Variants in ASCC3 observed in about 807,000 individuals in gnomAD.
ASCC3 encodes the protein ASC-1 complex subunit P200.
ASCC3 carries 158 observed loss-of-function variants against 256.3 expected under a neutral mutation model. That is an observed-to-expected ratio of 0.62 (90% CI 0.54 to 0.70). ASCC3 has a LOEUF of 0.70. Among genes scored for constraint, ASCC3 ranks in the 30% least tolerant of loss-of-function variants. The pLI, the probability that ASCC3 is intolerant of heterozygous loss-of-function variation, is 0.00. For synonymous variants in ASCC3, 948 were observed against 883.4 expected (o/e 1.07, Z -1.30); for missense variants, 2,259 against 2,626.0 (o/e 0.86, Z 3.05).
intron 4 of ASCC3, 95 bp downstream of exon 4, chr6:100,848,053 A>G: frequency 1.6e-6 from 2 of 1,256,326 alleles, no homozygotes; most frequent in Non-Finnish European, 2.2e-6. Context: ...ACAGAACATT[A>G]AAGAACTTTC....
intron 36 of ASCC3, among the ~76,000 whole-genome samples, chr6:100,553,814 A>C (rs1318298402): frequency 2.0e-5 from 3 of 152,162 alleles, no homozygotes; most frequent in Non-Finnish European, 4.4e-5. Context: ...CTGTTCTACA[A>C]ATGCCATAAA....
chr6:100,595,646 C>T (rs566515516), intron 34 of ASCC3, among the ~76,000 whole-genome samples: 2 of 152,218 alleles, frequency 1.3e-5, no homozygotes, highest in African/African-American at 4.8e-5. Context: ...GAATGTGGAC[C>T]TGACAATGAG....
chr6:100,844,344 T>C (rs1323736241), intron 4 of ASCC3, among the ~76,000 whole-genome samples: 2 of 151,568 alleles, frequency 1.3e-5, no homozygotes, highest in Non-Finnish European at 2.9e-5. Flanking sequence ...GAAGAAAGCC[T>C]GGTTCGGGTC....
chr6:100,728,483 T>C (rs990828576), intron 10 of ASCC3, among the ~76,000 whole-genome samples: 1 of 152,010 alleles, frequency 6.6e-6, no homozygotes, highest in African/African-American at 2.4e-5. Context: ...AGCAATTCCA[T>C]TTCCTAATAT....
chr6:100,631,321 A>C (rs1286479375), intron 25 of ASCC3, 108 bp from the exon 26 acceptor site: 1 of 810,936 alleles, frequency 1.2e-6, no homozygotes, highest in Non-Finnish European at 2.1e-6. Flanking sequence ...GTGGTTTGAA[A>C]ATGTATCTTT....
intron 39 of ASCC3, among the ~76,000 whole-genome samples, chr6:100,514,791 C>T (rs1773938691): frequency 1.3e-5 from 2 of 152,138 alleles, no homozygotes; most frequent in Admixed American, 1.3e-4. Context: ...AGTCAGCAGC[C>T]GTTCCAGGCA....
At chr6:100,853,187 AT>A (rs1391955365) in intron 3 of ASCC3, among the ~76,000 whole-genome samples, 1 of 152,204 alleles carries the variant, frequency 6.6e-6, no homozygotes, top group African/African-American at 2.4e-5. Flanking sequence ...TTATAAAATA[AT>A]TTTTTAAAAT....
intron 8 of ASCC3, among the ~76,000 whole-genome samples, chr6:100,787,702 C>CA (rs1394008443): frequency 6.6e-6 from 1 of 151,974 alleles, no homozygotes; most frequent in African/African-American, 2.4e-5. Context: ...AAACGTTTAA[C>CA]AAACATGCAA....
In ASCC3 at chr6:100,526,019, T is replaced by C. The variant is rs534111372; in HGVS notation, c.5776-7877A>G. 4.6e-5 allele frequency among the ~76,000 whole-genome samples: 7 copies of C among 152,174 alleles called. No homozygotes were observed. The South Asian group carries it at 1.5e-3, about 32-fold the overall frequency. Reference sequence around the variant, plus strand: ...CACTTGCAAGTAATGATACAATATTTTGTCAATAATTAAAATGCTATAAGT... The same window carrying C: ...CACTTGCAAGTAATGATACAATATTCTGTCAATAATTAAAATGCTATAAGT... On this transcript the variant is annotated intron_variant, in intron 37 of 41. Transcript: ENST00000369162.
chr6:100,829,305 G>A (rs536927558), intron 4 of ASCC3, among the ~76,000 whole-genome samples: 56 of 152,094 alleles, frequency 3.7e-4, no homozygotes, highest in Non-Finnish European at 6.2e-4. Flanking sequence ...AGGAGGCTCC[G>A]GCCGCACAGG....
At chr6:100,715,892 T>C (rs1433344982) in intron 12 of ASCC3, among the ~76,000 whole-genome samples, 1 of 151,848 alleles carries the variant, frequency 6.6e-6, no homozygotes, top group Non-Finnish European at 1.5e-5. Context: ...CTATTTTCCA[T>C]ATATTTCATT....
chr6:100,850,094 C>T (rs1772586293), intron 3 of ASCC3, among the ~76,000 whole-genome samples: 1 of 45,360 alleles, frequency 2.2e-5, no homozygotes, highest in Non-Finnish European at 5.7e-5. Flanking sequence ...AATTGAGACT[C>T]TATCAAAAAA....
intron 38 of ASCC3, among the ~76,000 whole-genome samples, chr6:100,516,995 C>T (rs1382232601): frequency 1.3e-5 from 2 of 151,932 alleles, no homozygotes; most frequent in Non-Finnish European, 2.9e-5. Flanking sequence ...AACTTTTATA[C>T]CATACTGGAA....
At chr6:100,570,952 C>G (rs1473673547) in intron 36 of ASCC3, among the ~76,000 whole-genome samples, 2 of 152,178 alleles carry the variant, frequency 1.3e-5, no homozygotes, top group Non-Finnish European at 2.9e-5. Flanking sequence ...AAGCCACCAT[C>G]TTCTCTCATG....
chr6:100,857,481 A>G (rs762480649), intron 3 of ASCC3: 2 of 152,044 alleles, frequency 1.3e-5, no homozygotes, highest in Non-Finnish European at 2.9e-5. Flanking sequence ...ACTCTTTTAC[A>G]TCTTTTAGAA....
chr6:100,627,696 G>A lies in ASCC3; in HGVS notation c.4536C>T (p.Asn1512=), dbSNP rs1774310925. Residue 1512 remains asparagine, a synonymous_variant, in exon 29 of 42, where the codon AAC becomes AAT. Transcript: ENST00000369162. ...GAACTGGGCGTACTGATGGTCGGAA[G>A]TTAAACAAGCCCATCTAGAGTAAAT... ...WLNIKQMGLF[N]FRPSVRPVPL... The A allele has an allele frequency of 6.2e-7, 1 of 1,613,454 alleles. No individual in the cohort carries two copies. The highest frequency in any genetic ancestry group is 1.7e-5 in the Admixed American group (1 of 59,888).
intron 37 of ASCC3, among the ~76,000 whole-genome samples, chr6:100,532,969 G>C (rs958988272): frequency 6.6e-6 from 1 of 152,060 alleles, no homozygotes; most frequent in Non-Finnish European, 1.5e-5. Context: ...ACTTTTAAAA[G>C]ATACATATAT....
chr6:100,828,441 T>C (rs1280332318), intron 4 of ASCC3, among the ~76,000 whole-genome samples: 6 of 152,138 alleles, frequency 3.9e-5, no homozygotes, highest in Non-Finnish European at 7.4e-5. Flanking sequence ...ATATATACTA[T>C]TGTGTCCGGA....
At chr6:100,733,373 T>G (rs1331751423) in intron 10 of ASCC3, among the ~76,000 whole-genome samples, 2 of 152,128 alleles carry the variant, frequency 1.3e-5, no homozygotes, top group African/African-American at 4.8e-5. Context: ...GTCAGATCCC[T>G]TATGAATACA....
Sources: allele counts gnomAD v4.1 joint callset (sites outside exome capture counted in the v4.1 genomes callset), GRCh38; gene constraint gnomAD v4.1.1; transcripts MANE v1.5; gene names NCBI Gene and HGNC (gene_info 2026-07-23, HGNC 2026-07-21).